The following COL22A1 variants were observed in gnomAD, a reference collection of about 807,000 sequenced individuals.
COL22A1 encodes the protein collagen type XXII alpha 1 chain.
In COL22A1, 221 loss-of-function variants were observed where a neutral mutation model predicts 248.9. That is an observed-to-expected ratio of 0.89 (90% CI 0.80 to 0.99). The LOEUF (loss-of-function observed/expected upper bound fraction) is 0.99, where lower values mean the gene tolerates loss of function less well. Among genes scored for constraint, COL22A1 ranks in the 50% least tolerant of loss-of-function variants. The pLI, the probability that COL22A1 is intolerant of heterozygous loss-of-function variation, is 0.00. For synonymous variants in COL22A1, 891 were observed against 793.4 expected (o/e 1.12, Z -2.07); for missense variants, 2,240 against 2,179.0 (o/e 1.03, Z -0.56).
At position 138,691,942 on chromosome 8, in the gene COL22A1, G is replaced by A. The variant is rs373268407; in HGVS notation, c.2755-1068C>T. Among the ~76,000 whole-genome samples, 15 of 87,128 alleles carry A rather than the reference G, an allele frequency of 1.7e-4. No individual in the cohort carries two copies. In the East Asian group the frequency reaches 4.0e-3, roughly 23 times the overall value. 57.2% of individuals were successfully genotyped at this position (87,128 alleles called of 152,430 possible). On this transcript the variant is annotated intron_variant, in intron 35 of 64. Coordinates refer to ENST00000303045, the MANE Select transcript of COL22A1 (RefSeq NM_152888.3). The stretch of plus-strand genomic sequence containing the variant: ...TGCATGTTTGTGGAGGTGTGTGTAC[G>A]TGTGTGCATGTTTGTGGAGGTGCAT...
intron 47 of COL22A1, among the ~76,000 whole-genome samples, chr8:138,640,152 G>A (rs1212211370): frequency 2.6e-5 from 4 of 152,146 alleles, no homozygotes; most frequent in African/African-American, 9.7e-5. Flanking sequence ...CTGGTTTAAT[G>A]CTATTCAATA....
intron 3 of COL22A1, among the ~76,000 whole-genome samples, chr8:138,875,195 A>G (rs1823623509): frequency 6.6e-6 from 1 of 152,124 alleles, no homozygotes; most frequent in East Asian, 1.9e-4. Flanking sequence ...TGATAATATT[A>G]ATACATTTGC....
rs564087147 is a variant in COL22A1 at position 138,695,008 on chromosome 8, C to A, written c.2593-129G>T. 77 of 771,110 alleles carry A rather than the reference C, an allele frequency of 1.0e-4. 1 individual carries two copies. The African/African-American group carries it at 1.3e-3, about 13-fold the overall frequency. The allele number at this position is 771,110 out of a possible 1,614,324, so 47.8% of individuals were successfully genotyped here. A position where few individuals can be genotyped will look rare whatever the true frequency, so the allele number is the denominator to read the frequency against. ...TGTATCACCTGATAGGTCCCCACCC[C>A]CAAAGGCTGTTCCCTCTGCCTGGGG... is the stretch of plus-strand genomic sequence containing the variant. On this transcript the variant is annotated intron_variant, in intron 32 of 64. Coordinates refer to ENST00000303045, the MANE Select transcript of COL22A1 (RefSeq NM_152888.3).
intron 50 of COL22A1, among the ~76,000 whole-genome samples, chr8:138,627,853 T>C (rs1008042208): frequency 1.3e-5 from 2 of 152,222 alleles, no homozygotes; most frequent in African/African-American, 2.4e-5. Context: ...TACAATTTAA[T>C]TGTTGATTAA....
At chr8:138,637,492 C>T (rs1001876029) in intron 47 of COL22A1, among the ~76,000 whole-genome samples, 5 of 152,170 alleles carry the variant, frequency 3.3e-5, no homozygotes, top group African/African-American at 1.2e-4. Context: ...ACAATGATGC[C>T]TACCCTGTGA....
At chr8:138,894,542 T>C (rs1034051898) in intron 1 of COL22A1, among the ~76,000 whole-genome samples, 1 of 152,110 alleles carries the variant, frequency 6.6e-6, no homozygotes, top group African/African-American at 2.4e-5. Context: ...GAGGTAAATT[T>C]GAGGTACCTG....
chr8:138,668,761 A>G (rs72727889), intron 41 of COL22A1, among the ~76,000 whole-genome samples: 20,326 of 152,226 alleles, frequency 0.13, 2,180 homozygotes, highest in African/African-American at 0.3. Context: ...CATGGAGCCC[A>G]CTTATGTGAA....
chr8:138,788,059 G>T (rs1282485642), intron 12 of COL22A1, among the ~76,000 whole-genome samples: 1 of 152,140 alleles, frequency 6.6e-6, no homozygotes, highest in East Asian at 1.9e-4. Context: ...CATCCATTTG[G>T]TAGGCCCTTT....
chr8:138,709,223 A>G (rs1246798421), intron 30 of COL22A1, among the ~76,000 whole-genome samples: 1 of 152,208 alleles, frequency 6.6e-6, no homozygotes, highest in Non-Finnish European at 1.5e-5. Context: ...TGTGGAAGAC[A>G]GTGTGGCGAT....
chr8:138,893,443 T>C (rs1825200366), intron 1 of COL22A1, among the ~76,000 whole-genome samples: 1 of 152,196 alleles, frequency 6.6e-6, no homozygotes, highest in East Asian at 1.9e-4. Context: ...TTAAACGAGT[T>C]ACGATATATA....
chr8:138,743,342 ATGG>A (rs1439881598), intron 22 of COL22A1, among the ~76,000 whole-genome samples: 2 of 140,890 alleles, frequency 1.4e-5, no homozygotes, highest in Non-Finnish European at 3.1e-5. Context: ...TGTGATGGTG[ATGG>A]TGGAGTTGAT....
intron 1 of COL22A1, among the ~76,000 whole-genome samples, chr8:138,902,735 TATATACACACACACACACAC>T (rs1814695271): frequency 1.1e-5 from 1 of 90,298 alleles, no homozygotes; most frequent in African/African-American, 4.3e-5. Context: ...AATATATATA[TATATACACACACACACACAC>T]ACACACACAC....
chr8:138,770,355 T>C (rs1305635160), intron 16 of COL22A1, among the ~76,000 whole-genome samples: 2 of 152,214 alleles, frequency 1.3e-5, no homozygotes, highest in African/African-American at 4.8e-5. Flanking sequence ...CAGCAGCCCC[T>C]GGACAGCCCA....
At chr8:138,842,369 GT>G (rs1820948203) in intron 4 of COL22A1, among the ~76,000 whole-genome samples, 1 of 152,168 alleles carries the variant, frequency 6.6e-6, no homozygotes, top group Non-Finnish European at 1.5e-5. Context: ...GGATATGTGT[GT>G]TAGATAATGA....
chr8:138,826,818 G>A lies in COL22A1; in HGVS notation c.846-37C>T, dbSNP rs771890977. The A allele has an allele frequency of 1.2e-5, 20 of 1,610,426 alleles. No homozygotes were observed. The East Asian group carries it at 2.7e-4, about 22-fold the overall frequency. ...TGGAGACAAAGACACCAGGCTTGGC[G>A]ATGAGAGCAGGGAGCCAGCAAAGTG... On this transcript the variant is annotated intron_variant, in intron 5 of 64. Coordinates refer to ENST00000303045, the MANE Select transcript of COL22A1 (RefSeq NM_152888.3).
At chr8:138,664,123 C>T (rs552156664) in intron 41 of COL22A1, among the ~76,000 whole-genome samples, 6 of 150,694 alleles carry the variant, frequency 4.0e-5, no homozygotes, top group South Asian at 2.1e-4. Context: ...GGCATGATAA[C>T]GACCACATTC....
At chr8:138,830,707 C>T (rs1441573876) in intron 5 of COL22A1, among the ~76,000 whole-genome samples, 4 of 152,164 alleles carry the variant, frequency 2.6e-5, no homozygotes, top group African/African-American at 9.7e-5. Context: ...TTGGTTAGAC[C>T]CTTCCACTAG....
chr8:138,897,149 G>A (rs1178506585), intron 1 of COL22A1, among the ~76,000 whole-genome samples: 1 of 152,092 alleles, frequency 6.6e-6, no homozygotes, highest in Non-Finnish European at 1.5e-5. Context: ...AGGTTACATG[G>A]CCAGTGTGTA....
chr8:138,687,171 C>G (rs764952259), intron 37 of COL22A1, among the ~76,000 whole-genome samples: 4 of 152,042 alleles, frequency 2.6e-5, no homozygotes, highest in African/African-American at 9.7e-5. Context: ...TGGCCAGGCC[C>G]GTCATGAACT....
Sources: allele counts gnomAD v4.1 joint callset (sites outside exome capture counted in the v4.1 genomes callset), GRCh38; gene constraint gnomAD v4.1.1; transcripts MANE v1.5; gene names NCBI Gene and HGNC (gene_info 2026-07-23, HGNC 2026-07-21).